The following SLIT2 variants were observed in gnomAD, a reference collection of about 807,000 sequenced individuals.
SLIT2 encodes the protein slit guidance ligand 2.
Under a neutral mutation model 185.7 loss-of-function variants are expected in SLIT2, and 41 were observed. That is an observed-to-expected ratio of 0.22 (90% CI 0.17 to 0.29). SLIT2 has a LOEUF of 0.29. Ranked by LOEUF, SLIT2 falls within the 10% of genes least tolerant of loss-of-function variation. SLIT2 has a pLI of 1.00. For synonymous variants in SLIT2, 693 were observed against 680.2 expected (o/e 1.02, Z -0.29); for missense variants, 1,571 against 1,909.0 (o/e 0.82, Z 3.30).
chr4:20,461,284 G>A (rs1713681245), intron 4 of SLIT2, among the ~76,000 whole-genome samples: 1 of 152,142 alleles, frequency 6.6e-6, no homozygotes, highest in South Asian at 2.1e-4. Flanking sequence ...GGAATGAGGT[G>A]GAAATAGAGG....
rs544154704 is a variant in SLIT2, at chr4:20,253,110, C to G, written c.-706C>G. 1 of 153,394 alleles carries G rather than the reference C, an allele frequency of 6.5e-6. No homozygotes were observed. The allele number at this position is 153,394 out of a possible 1,614,324, so 9.5% of individuals were successfully genotyped here. A position where few individuals can be genotyped will look rare whatever the true frequency, so the allele number is the denominator to read the frequency against. On this transcript the variant is annotated 5_prime_UTR_variant, in exon 1 of 37. Coordinates refer to ENST00000504154, the MANE Select transcript of SLIT2 (RefSeq NM_004787.4). ...GCGAAGTGCATGTGTGTTTGTAAAC[C>G]ATCGTTGGCTGTCGGGAGACCGCGA...
chr4:20,454,789 C>T (rs1301680158), intron 4 of SLIT2, among the ~76,000 whole-genome samples: 1 of 152,016 alleles, frequency 6.6e-6, no homozygotes, highest in Non-Finnish European at 1.5e-5. Context: ...TATCATTGCA[C>T]TCTAAGGTTA....
At chr4:20,513,986 C>A (rs1719975437) in intron 11 of SLIT2, among the ~76,000 whole-genome samples, 1 of 152,160 alleles carries the variant, frequency 6.6e-6, no homozygotes, top group African/African-American at 2.4e-5. Flanking sequence ...ATTGTAACTA[C>A]AGGTCTGAGA....
chr4:20,606,252 T>A (rs1728790069), intron 33 of SLIT2, among the ~76,000 whole-genome samples: 1 of 152,026 alleles, frequency 6.6e-6, no homozygotes, highest in South Asian at 2.1e-4. Context: ...CTCAGCACTT[T>A]GGGAGGCCAA....
At chr4:20,536,038 C>G (rs1722247349) in intron 18 of SLIT2, among the ~76,000 whole-genome samples, 1 of 152,056 alleles carries the variant, frequency 6.6e-6, no homozygotes, top group Admixed American at 6.5e-5. Flanking sequence ...ATACTGTAGG[C>G]AATTGTTACT....
intron 36 of SLIT2, 138 bp from the exon 37 acceptor site, chr4:20,618,630 G>T: frequency 1.2e-6 from 1 of 809,128 alleles, no homozygotes; most frequent in Non-Finnish European, 1.9e-6. Context: ...ATAGGAGGCC[G>T]TGCCACCAGC....
intron 33 of SLIT2, among the ~76,000 whole-genome samples, chr4:20,600,532 C>T (rs1163034266): frequency 6.7e-6 from 1 of 149,304 alleles, no homozygotes; most frequent in East Asian, 2.0e-4. Flanking sequence ...ATGCCATTCT[C>T]CTGCCTCGGC....
intron 21 of SLIT2, among the ~76,000 whole-genome samples, chr4:20,544,182 A>G (rs1004042699): frequency 6.6e-6 from 1 of 152,168 alleles, no homozygotes; most frequent in African/African-American, 2.4e-5. Flanking sequence ...GTAAAAAAAT[A>G]AAATATAAAG....
chr4:20,378,949 C>T (rs1486551228), intron 4 of SLIT2, among the ~76,000 whole-genome samples: 2 of 152,012 alleles, frequency 1.3e-5, no homozygotes, highest in Non-Finnish European at 2.9e-5. Context: ...CATGGAGGGA[C>T]CTTAAATGCA....
chr4:20,307,231 TTTCCTTCCTTCCTTCC>T (rs71181557), intron 4 of SLIT2, among the ~76,000 whole-genome samples: 6 of 57,768 alleles, frequency 1.0e-4, no homozygotes, highest in East Asian at 4.8e-4. Flanking sequence ...CTCTATTTCT[TTTCCTTCCTTCCTTCC>T]TTCCTTCCTT....
chr4:20,535,848 C>T (rs1332786361), intron 18 of SLIT2, among the ~76,000 whole-genome samples: 1 of 143,818 alleles, frequency 7.0e-6, no homozygotes. Context: ...TCCCTAAAGT[C>T]CCTCTTTCCA....
intron 5 of SLIT2, among the ~76,000 whole-genome samples, chr4:20,478,490 C>T (rs114113185): frequency 8.5e-5 from 13 of 152,298 alleles, no homozygotes; most frequent in African/African-American, 3.1e-4. Context: ...CCTTCCATTC[C>T]TTGTAGGACA....
At position 20,410,243 on chromosome 4, in the gene SLIT2, C is replaced by CTTTTTTTTTTTTTTT. The variant is rs1160985126; in HGVS notation, c.396-57500_396-57486dup. On this transcript the variant is annotated intron_variant, in intron 4 of 36. Transcript: ENST00000504154. ...TGGTTTTTTTTCTTTTCTTTCTTTT[C>CTTTTTTTTTTTTTTT]TTTTTTTTTTTTTTTTTTTTTTTGA... Among the ~76,000 whole-genome samples, 152 of 69,064 alleles carry CTTTTTTTTTTTTTTT rather than the reference C, an allele frequency of 2.2e-3. 1 individual carries two copies. The highest frequency in any genetic ancestry group is 3.0e-3 in the Non-Finnish European group (112 of 36,762). The allele number at this position is 69,064 out of a possible 152,430, so 45.3% of individuals were successfully genotyped here.
intron 31 of SLIT2, 52 bp from the exon 32 acceptor site, chr4:20,596,363 G>A (rs1295005003): frequency 3.2e-6 from 5 of 1,554,448 alleles, no homozygotes; most frequent in African/African-American, 1.4e-5. Flanking sequence ...AATTCAGATT[G>A]GCAATTAAGT....
Position 20,528,206 on chromosome 4 carries a change from G to C in SLIT2, c.1463-743G>C, listed in dbSNP as rs372801492. 130 of 529,776 alleles carry C rather than the reference G, an allele frequency of 2.5e-4. No individual in the cohort carries two copies. The highest frequency in any genetic ancestry group is 2.4e-3 in the African/African-American group (125 of 51,962). The allele number at this position is 529,776 out of a possible 1,614,324, so 32.8% of individuals were successfully genotyped here. A position where few individuals can be genotyped will look rare whatever the true frequency, so the allele number is the denominator to read the frequency against. ...GTAAACAGTATTACGTTTCCAGAACGTCTGTAGCTTTTCTCCTCCTTCCCT... is the reference window on the plus strand; with the variant it reads ...GTAAACAGTATTACGTTTCCAGAACCTCTGTAGCTTTTCTCCTCCTTCCCT... On this transcript the variant is annotated intron_variant, in intron 15 of 36. Transcript: ENST00000504154. This position sits in a 1 kb window ranked among gnomAD's most constrained non-coding sequence, Gnocchi z 4.2.
At chr4:20,289,741 G>C (rs962504160) in intron 4 of SLIT2, among the ~76,000 whole-genome samples, 2 of 152,200 alleles carry the variant, frequency 1.3e-5, no homozygotes, top group Non-Finnish European at 2.9e-5. Context: ...ACACAAGGTA[G>C]ACTGGCAGAT....
chr4:20,317,264 A>G (rs1049399805), intron 4 of SLIT2, among the ~76,000 whole-genome samples: 2 of 152,018 alleles, frequency 1.3e-5, no homozygotes, highest in African/African-American at 2.4e-5. Flanking sequence ...TTATATAGAC[A>G]AAAATGCTTC....
chr4:20,332,290 G>C (rs1720128228), intron 4 of SLIT2, among the ~76,000 whole-genome samples: 1 of 152,150 alleles, frequency 6.6e-6, no homozygotes, highest in Non-Finnish European at 1.5e-5. Context: ...GGAGAGAGCA[G>C]ATACCCGTGT....
intron 4 of SLIT2, among the ~76,000 whole-genome samples, chr4:20,397,239 A>C (rs765961452): frequency 9.2e-5 from 14 of 151,904 alleles, no homozygotes; most frequent in East Asian, 1.9e-4. Flanking sequence ...GACCTACCTA[A>C]CTAACTTTCA....
Sources: allele counts gnomAD v4.1 joint callset (sites outside exome capture counted in the v4.1 genomes callset), GRCh38; gene constraint gnomAD v4.1.1; non-coding constraint Gnocchi (gnomAD v3.1); transcripts MANE v1.5; gene names NCBI Gene and HGNC (gene_info 2026-07-23, HGNC 2026-07-21).